ZHX2: variants seen among roughly 807,000 people sequenced by gnomAD.
ZHX2 encodes the protein zinc fingers and homeoboxes 2, also known as zinc fingers and homeoboxes protein 2.
A neutral mutation model predicts 21.9 loss-of-function variants in ZHX2; 6 were observed. The ratio of observed to expected loss-of-function variants is 0.27; its 90% CI spans 0.15 to 0.54. ZHX2 has a LOEUF of 0.54. ZHX2 is among the 20% of genes least tolerant of loss of function. The pLI is 0.95. For synonymous variants in ZHX2, 434 were observed against 437.1 expected (o/e 0.99, Z 0.09); for missense variants, 908 against 1,090.7 (o/e 0.83, Z 2.36).
intron 2 of ZHX2, among the ~76,000 whole-genome samples, chr8:122,865,661 T>C (rs569251145): frequency 3.9e-5 from 6 of 152,322 alleles, no homozygotes; most frequent in Non-Finnish European, 8.8e-5. Context: ...AGTCTCCTCC[T>C]AAGATAGAGA....
intron 2 of ZHX2, among the ~76,000 whole-genome samples, chr8:122,904,293 T>A (rs1218986069): frequency 1.3e-5 from 2 of 152,170 alleles, no homozygotes; most frequent in Non-Finnish European, 1.5e-5. Flanking sequence ...CAGAAAAAAC[T>A]GTGGTCCAGC....
At chr8:122,897,180 C>A (rs1360478410) in intron 2 of ZHX2, among the ~76,000 whole-genome samples, 1 of 152,182 alleles carries the variant, frequency 6.6e-6, no homozygotes, top group Non-Finnish European at 1.5e-5. Context: ...GGCAAAACAG[C>A]ATGGTAGCTA....
chr8:122,945,078 C>T lies in ZHX2; in HGVS notation c.-219-6214C>T, dbSNP rs71514788. On this transcript the variant is annotated intron_variant, in intron 2 of 3. Transcript: ENST00000314393. ...AACCCAACCCTGCTGGCACCTTGAT[C>T]TCAGACTTCCAGCCCGCAAAACTGT... is the stretch of plus-strand genomic sequence containing the variant. Among the ~76,000 whole-genome samples, 5 of 152,298 alleles carry T rather than the reference C, an allele frequency of 3.3e-5. No homozygotes were observed. In the East Asian group the frequency reaches 9.7e-4, roughly 29 times the overall value.
At chr8:122,897,872 CAGATGTGGTGGCCTAGATCG>C (rs1240057211) in intron 2 of ZHX2, among the ~76,000 whole-genome samples, 1 of 152,090 alleles carries the variant, frequency 6.6e-6, no homozygotes, top group Non-Finnish European at 1.5e-5. Flanking sequence ...TTCTTCTTGC[CAGATGTGGTGGCCTAGATCG>C]CTGAAAGCCC....
At chr8:122,972,531 G>T (rs1813750796) in intron 3 of ZHX2, among the ~76,000 whole-genome samples, 1 of 151,970 alleles carries the variant, frequency 6.6e-6, no homozygotes, top group Non-Finnish European at 1.5e-5. Context: ...TGTAAAATAA[G>T]AATAATAATA....
At chr8:122,797,946 G>C (rs1817644189) in intron 1 of ZHX2, among the ~76,000 whole-genome samples, 1 of 152,222 alleles carries the variant, frequency 6.6e-6, no homozygotes, top group Non-Finnish European at 1.5e-5. Flanking sequence ...GAACTGCACA[G>C]ATTAATTAAT....
chr8:122,866,145 A>G (rs1819289756), intron 2 of ZHX2, among the ~76,000 whole-genome samples: 1 of 152,216 alleles, frequency 6.6e-6, no homozygotes, highest in Non-Finnish European at 1.5e-5. Flanking sequence ...ACACCAGCAC[A>G]AAAGAAATAT....
intron 2 of ZHX2, among the ~76,000 whole-genome samples, chr8:122,916,476 CTTTCTT>C (rs964192056): frequency 1.6e-4 from 25 of 152,222 alleles, no homozygotes; most frequent in Non-Finnish European, 2.8e-4. Context: ...GCTTCGGTGC[CTTTCTT>C]TTTCTTTTTC....
chr8:122,908,958 A>G lies in ZHX2; in HGVS notation c.-219-42334A>G, dbSNP rs1050081069. ...ATTACCTTTTCAAGTTTCCCTTGTG[A>G]TTTCCTCCCTTCCATCACCACCAGT... On this transcript the variant is annotated intron_variant, in intron 2 of 3. Transcript: ENST00000314393. 6.3e-4 allele frequency among the ~76,000 whole-genome samples: 96 copies of G among 152,156 alleles called. 1 individual carries two copies. Among genetic ancestry groups the G allele is most frequent in the African/African-American group, 2.2e-3 (92 of 41,512 alleles).
chr8:122,829,867 T>C (rs1179359302), intron 1 of ZHX2, among the ~76,000 whole-genome samples: 1 of 152,198 alleles, frequency 6.6e-6, no homozygotes, highest in African/African-American at 2.4e-5. Flanking sequence ...GTGGAAGGAA[T>C]GGCATAGGCA....
intron 1 of ZHX2, among the ~76,000 whole-genome samples, chr8:122,786,892 A>G (rs1817406640): frequency 6.6e-6 from 1 of 152,188 alleles, no homozygotes; most frequent in Non-Finnish European, 1.5e-5. Context: ...TTGGTAGACA[A>G]TAAGGTAGAC....
chr8:122,881,322 C>G (rs1048480528), intron 2 of ZHX2, among the ~76,000 whole-genome samples: 1 of 151,956 alleles, frequency 6.6e-6, no homozygotes, highest in Non-Finnish European at 1.5e-5. Context: ...CTAATTAAAG[C>G]TCTGTTTCTT....
intron 3 of ZHX2, among the ~76,000 whole-genome samples, chr8:122,969,742 T>C (rs1372354018): frequency 6.6e-6 from 1 of 152,184 alleles, no homozygotes; most frequent in Non-Finnish European, 1.5e-5. Context: ...AAAAATGTTA[T>C]GGAGAGATAA....
At chr8:122,943,149 C>T (rs1025586831) in intron 2 of ZHX2, among the ~76,000 whole-genome samples, 5 of 152,148 alleles carry the variant, frequency 3.3e-5, no homozygotes, top group African/African-American at 4.8e-5. Flanking sequence ...ATAATCCCAG[C>T]TACTCAGGAG....
At chr8:122,935,688 AC>A (rs1226386119) in intron 2 of ZHX2, among the ~76,000 whole-genome samples, 1 of 151,834 alleles carries the variant, frequency 6.6e-6, no homozygotes, top group African/African-American at 2.4e-5. Flanking sequence ...GGCACCCACC[AC>A]CATGCCCAGC....
intron 2 of ZHX2, among the ~76,000 whole-genome samples, chr8:122,946,653 T>G (rs1812983789): frequency 6.6e-6 from 1 of 152,176 alleles, no homozygotes; most frequent in Non-Finnish European, 1.5e-5. Flanking sequence ...TACTCCTGCC[T>G]GATGTCTTTT....
chr8:122,798,812 A>G (rs904804780), intron 1 of ZHX2, among the ~76,000 whole-genome samples: 1 of 151,984 alleles, frequency 6.6e-6, no homozygotes, highest in Non-Finnish European at 1.5e-5. Flanking sequence ...AAAAAAAAAA[A>G]AAAGAAAGAA....
chr8:122,920,223 G>T (rs993997240), intron 2 of ZHX2, among the ~76,000 whole-genome samples: 1 of 152,066 alleles, frequency 6.6e-6, no homozygotes, highest in Non-Finnish European at 1.5e-5. Flanking sequence ...GCAGTGAGCC[G>T]AGATCGTGCC....
At chr8:122,832,434 A>C (rs1818398095) in intron 1 of ZHX2, among the ~76,000 whole-genome samples, 1 of 152,158 alleles carries the variant, frequency 6.6e-6, no homozygotes. Context: ...AACAACCTGG[A>C]GGGTGGGTCC....
Sources: allele counts gnomAD v4.1 joint callset (sites outside exome capture counted in the v4.1 genomes callset), GRCh38; gene constraint gnomAD v4.1.1; transcripts MANE v1.5; gene names NCBI Gene and HGNC (gene_info 2026-07-23, HGNC 2026-07-21).